The following GIGYF2 variants were observed in gnomAD, a reference collection of about 807,000 sequenced individuals.
The protein encoded by GIGYF2 is GRB10 interacting GYF protein 2.
In GIGYF2, 25 loss-of-function variants were observed where a neutral mutation model predicts 208.1. The observed-to-expected ratio is 0.12, with a 90% CI of 0.09 to 0.17. The LOEUF is 0.17. Among genes scored for constraint, GIGYF2 ranks in the 10% least tolerant of loss-of-function variants. The probability of loss-of-function intolerance (pLI) is 1.00; values close to 1 mark genes in which losing one functional copy is unlikely to be tolerated. For synonymous variants in GIGYF2, 534 were observed against 543.8 expected (o/e 0.98, Z 0.25); for missense variants, 1,302 against 1,579.4 (o/e 0.82, Z 2.98).
intron 22 of GIGYF2, 56 bp downstream of exon 22, chr2:232,833,149 A>G: frequency 8.8e-7 from 1 of 1,140,190 alleles, no homozygotes; most frequent in Non-Finnish European, 1.3e-6. Flanking sequence ...TTAGTTAGGT[A>G]GGTGCTGGCT....
chr2:232,716,962 C>T (rs1318396795), intron 2 of GIGYF2, among the ~76,000 whole-genome samples: 6 of 151,636 alleles, frequency 4.0e-5, no homozygotes, highest in African/African-American at 1.5e-4. Context: ...AGCACCACCA[C>T]ACCTAGCTAA....
rs529601045 is a variant in GIGYF2 at position 232,835,874 on chromosome 2, G to A, written c.2766+2781G>A. Among the ~76,000 whole-genome samples, 25 of 152,070 alleles carry A rather than the reference G, an allele frequency of 1.6e-4. No homozygotes were observed. The South Asian group carries it at 5.2e-3, about 32-fold the overall frequency. ...GTTGTTCTTAACCCATTTCCCGTTT[G>A]CCCTGAGAATATCCCTGGTGGTGCG... is the stretch of plus-strand genomic sequence containing the variant. On this transcript the variant is annotated intron_variant, in intron 22 of 28. Coordinates refer to ENST00000373563, the MANE Select transcript of GIGYF2 (RefSeq NM_001103146.3).
chr2:232,733,231 TGGGCGACA>T (rs1463861659), intron 2 of GIGYF2, among the ~76,000 whole-genome samples: 1 of 138,396 alleles, frequency 7.2e-6, no homozygotes, highest in Non-Finnish European at 1.5e-5. Context: ...TACTCCAGCC[TGGGCGACA>T]GAGCGAGACT....
chr2:232,722,892 T>A (rs1697009482), intron 2 of GIGYF2, among the ~76,000 whole-genome samples: 2 of 152,258 alleles, frequency 1.3e-5, no homozygotes, highest in African/African-American at 2.4e-5. Context: ...GTCATTTGCC[T>A]ACTTTTCTGA....
chr2:232,768,422 C>T (rs1260346479), intron 8 of GIGYF2: 2 of 1,614,182 alleles, frequency 1.2e-6, no homozygotes, highest in East Asian at 2.2e-5. Context: ...AGGATGTCCT[C>T]CTTTGGCATA....
In GIGYF2 at chr2:232,738,263, A is replaced by G. The variant is rs1162978460; in HGVS notation, c.41+3025A>G. On this transcript the variant is annotated intron_variant, in intron 3 of 28. Transcript: ENST00000373563. The stretch of plus-strand genomic sequence containing the variant: ...CTGTGGAATCATTAGGTCTTAGATT[A>G]TTTTTCTACTTAGAATAAAAAAGTA... Among the ~76,000 whole-genome samples the G allele has an allele frequency of 3.9e-5, 6 of 152,086 alleles. No homozygotes were observed. The East Asian group carries it at 1.2e-3, about 29-fold the overall frequency.
chr2:232,819,804 C>T, intron 20 of GIGYF2, 23 bp from the exon 21 acceptor site: 2 of 361,238 alleles, frequency 5.5e-6, no homozygotes, highest in Non-Finnish European at 1.1e-5. Context: ...CCCCACCCCC[C>T]ACCCTCCATC....
At chr2:232,727,508 A>C (rs1433883477) in intron 2 of GIGYF2, among the ~76,000 whole-genome samples, 1 of 152,234 alleles carries the variant, frequency 6.6e-6, no homozygotes, top group Non-Finnish European at 1.5e-5. Flanking sequence ...AAATGGGAAT[A>C]GCGGGGAGGC....
intron 5 of GIGYF2, among the ~76,000 whole-genome samples, chr2:232,752,137 T>G (rs945364527): frequency 6.6e-6 from 1 of 152,212 alleles, no homozygotes; most frequent in Non-Finnish European, 1.5e-5. Context: ...TGATGCATAT[T>G]TGGTAGCCTT....
chr2:232,834,491 C>T (rs1287577613), intron 22 of GIGYF2, among the ~76,000 whole-genome samples: 1 of 152,144 alleles, frequency 6.6e-6, no homozygotes, highest in East Asian at 1.9e-4. Context: ...GTCTGGCTTT[C>T]AGCATTTTTA....
chr2:232,840,684 A>T (rs1008436767), intron 23 of GIGYF2, among the ~76,000 whole-genome samples: 1 of 152,202 alleles, frequency 6.6e-6, no homozygotes, highest in Non-Finnish European at 1.5e-5. Context: ...AATGAAGCGT[A>T]TGAGAGGTTG....
In GIGYF2 at chr2:232,860,430, C is replaced by T. The variant is rs189049754; in HGVS notation, c.*3570C>T. 40 of 148,894 alleles carry T rather than the reference C, an allele frequency of 2.7e-4. No homozygotes were observed. In the East Asian group the frequency reaches 7.8e-3, roughly 29 times the overall value. The allele number at this position is 148,894 out of a possible 1,614,324, so 9.2% of individuals were successfully genotyped here. A position where few individuals can be genotyped will look rare whatever the true frequency, so the allele number is the denominator to read the frequency against. On this transcript the variant is annotated 3_prime_UTR_variant, in exon 29 of 29. Coordinates refer to ENST00000373563, the MANE Select transcript of GIGYF2 (RefSeq NM_001103146.3). ...TATGTATATAAAAGTATATGTTTTACATTTTCAATATATATATAATATATA... is the reference window on the plus strand; with the variant it reads ...TATGTATATAAAAGTATATGTTTTATATTTTCAATATATATATAATATATA...
Position 232,808,177 on chromosome 2 carries a change from C to T in GIGYF2, c.1806+1520C>T, listed in dbSNP as rs1199749187. On this transcript the variant is annotated intron_variant, in intron 15 of 28. Coordinates refer to ENST00000373563, the MANE Select transcript of GIGYF2 (RefSeq NM_001103146.3). ...GATTCCTAGGTGAGAGGAATTATTT[C>T]TCACACCATCCTAGTTGTTTTAAGT... 2.0e-5 allele frequency among the ~76,000 whole-genome samples: 3 copies of T among 152,310 alleles called. 1 individual carries two copies. In the East Asian group the frequency reaches 5.8e-4, roughly 29 times the overall value.
chr2:232,711,587 A>G (rs996893214), intron 2 of GIGYF2, among the ~76,000 whole-genome samples: 6 of 150,956 alleles, frequency 4.0e-5, no homozygotes, highest in Non-Finnish European at 8.9e-5. Flanking sequence ...CTTTTTACAG[A>G]TTTCTTTTAT....
In GIGYF2 at chr2:232,756,347, A is replaced by G. The variant is rs1698541106; in HGVS notation, c.379+13A>G. ...TCAAGAGGGCGAGGTGAGCTTTCAT[A>G]TGAAAAAAGTAATAATGGAGGAGGA... On this transcript the variant is annotated intron_variant, in intron 6 of 28. Coordinates refer to ENST00000373563, the MANE Select transcript of GIGYF2 (RefSeq NM_001103146.3). 1 of 1,367,540 alleles carries G rather than the reference A, an allele frequency of 7.3e-7. No homozygotes were observed. The highest frequency in any genetic ancestry group is 1.0e-6 in the Non-Finnish European group (1 of 987,154). 84.7% of individuals were successfully genotyped at this position (1,367,540 alleles called of 1,614,324 possible).
chr2:232,763,287 A>G (rs865941200), intron 8 of GIGYF2, among the ~76,000 whole-genome samples: 1 of 152,162 alleles, frequency 6.6e-6, no homozygotes, highest in Non-Finnish European at 1.5e-5. Flanking sequence ...TCATAATAAA[A>G]TGAGTGATAA....
chr2:232,837,980 A>G (rs1375678494), intron 22 of GIGYF2, among the ~76,000 whole-genome samples: 3 of 152,108 alleles, frequency 2.0e-5, no homozygotes, highest in African/African-American at 7.2e-5. Context: ...TTTGCTTTTG[A>G]TTTGTCAAAA....
chr2:232,697,915 A>G (rs1695675745), intron 1 of GIGYF2, among the ~76,000 whole-genome samples: 1 of 152,206 alleles, frequency 6.6e-6, no homozygotes, highest in African/African-American at 2.4e-5. Context: ...CCCACAGAGC[A>G]TCTGGACGGA....
chr2:232,799,651 A>T (rs1700332698), intron 14 of GIGYF2, among the ~76,000 whole-genome samples: 1 of 152,090 alleles, frequency 6.6e-6, no homozygotes, highest in Non-Finnish European at 1.5e-5. Context: ...TTGGGTATAT[A>T]CCAAGAAGCA....
Sources: allele counts gnomAD v4.1 joint callset (sites outside exome capture counted in the v4.1 genomes callset), GRCh38; gene constraint gnomAD v4.1.1; transcripts MANE v1.5; gene names NCBI Gene and HGNC (gene_info 2026-07-23, HGNC 2026-07-21).